KCNK10: variants seen among roughly 807,000 people sequenced by gnomAD.
KCNK10 encodes the protein potassium channel subfamily K member 10.
Under a neutral mutation model 47.7 loss-of-function variants are expected in KCNK10, and 25 were observed. That is an observed-to-expected ratio of 0.52 (90% CI 0.38 to 0.73). KCNK10 has a LOEUF of 0.73. Ranked by LOEUF, KCNK10 falls within the 30% of genes least tolerant of loss-of-function variation. The pLI is 0.00. For missense variants in KCNK10, 563 were observed against 714.5 expected (o/e 0.79, Z 2.42); for synonymous variants, 303 against 285.6 (o/e 1.06, Z -0.61).
chr14:88,276,843 T>G (rs59988981), intron 1 of KCNK10, among the ~76,000 whole-genome samples: 14,731 of 152,294 alleles, frequency 0.097, 1,802 homozygotes, highest in African/African-American at 0.29. Flanking sequence ...TCTGCTCAGC[T>G]ACAGCTGTCA....
chr14:88,319,460 G>C (rs1888498775), intron 1 of KCNK10, among the ~76,000 whole-genome samples: 2 of 152,096 alleles, frequency 1.3e-5, no homozygotes, highest in South Asian at 4.1e-4. Context: ...TCTTTTCCCT[G>C]CTAAACACAT....
At chr14:88,212,109 A>AAAATATATATATATATAT (rs1555360606) in intron 4 of KCNK10, among the ~76,000 whole-genome samples, 1 of 133,334 alleles carries the variant, frequency 7.5e-6, no homozygotes, top group Non-Finnish European at 1.6e-5. Flanking sequence ...TGATAGTGAG[A>AAAATATATATATATATAT]ATATATATAT....
intron 1 of KCNK10, among the ~76,000 whole-genome samples, chr14:88,317,096 C>A (rs1459034853): frequency 6.6e-6 from 1 of 152,118 alleles, no homozygotes; most frequent in Non-Finnish European, 1.5e-5. Flanking sequence ...AAGCCTGAAC[C>A]AAATCTTGGC....
At chr14:88,262,733 C>T (rs906289174) in intron 2 of KCNK10, among the ~76,000 whole-genome samples, 2 of 152,220 alleles carry the variant, frequency 1.3e-5, no homozygotes, top group Non-Finnish European at 2.9e-5. Context: ...TAACAGCTGT[C>T]TCAGGCCACT....
rs1217494546 is a variant in KCNK10, at chr14:88,185,000, T to C, written c.*535A>G. On this transcript the variant is annotated 3_prime_UTR_variant, in exon 7 of 7. Transcript: ENST00000319231. The stretch of plus-strand genomic sequence containing the variant: ...GCTCTCAGGTCCCCACAGACATTCA[T>C]TTGGAGCATAGAAAGACTAGGTATG... The C allele has an allele frequency of 6.5e-6, 1 of 154,570 alleles. No individual in the cohort carries two copies. The highest frequency in any genetic ancestry group is 2.4e-5 in the African/African-American group (1 of 41,460). 9.6% of individuals were successfully genotyped at this position (154,570 alleles called of 1,614,324 possible).
chr14:88,255,697 G>A (rs1270608086), intron 2 of KCNK10, among the ~76,000 whole-genome samples: 2 of 151,866 alleles, frequency 1.3e-5, no homozygotes, highest in East Asian at 3.9e-4. Context: ...TCCAGGGAGT[G>A]AGATAACCTG....
At chr14:88,196,718 G>A (rs944558218) in intron 4 of KCNK10, among the ~76,000 whole-genome samples, 2 of 152,190 alleles carry the variant, frequency 1.3e-5, no homozygotes, top group East Asian at 1.9e-4. Flanking sequence ...TCAGTTTACG[G>A]CTTGGTTTGG....
At chr14:88,272,143 C>T (rs1887420550) in intron 1 of KCNK10, among the ~76,000 whole-genome samples, 1 of 152,106 alleles carries the variant, frequency 6.6e-6, no homozygotes, top group Admixed American at 6.5e-5. Context: ...CTTCCTCCTC[C>T]CTGGAAAGGG....
At chr14:88,239,974 A>G (rs189310311) in intron 3 of KCNK10, among the ~76,000 whole-genome samples, 32 of 152,258 alleles carry the variant, frequency 2.1e-4, no homozygotes, top group African/African-American at 7.2e-4. Context: ...AAAGACACAC[A>G]TACAAAAAAT....
At chr14:88,326,600 T>C (rs1182702983), upstream of KCNK10, 2 of 652,878 alleles carry the variant, frequency 3.1e-6, no homozygotes, top group East Asian at 5.5e-5. Flanking sequence ...TGGCGCAAAG[T>C]CTCCCTGCAC....
chr14:88,281,013 C>T (rs532740677), intron 1 of KCNK10, among the ~76,000 whole-genome samples: 1 of 150,714 alleles, frequency 6.6e-6, no homozygotes, highest in African/African-American at 2.5e-5. Flanking sequence ...CTCAGTGCCT[C>T]TCATCGTTGC....
intron 2 of KCNK10, among the ~76,000 whole-genome samples, chr14:88,259,609 A>T (rs1887052501): frequency 6.6e-6 from 1 of 152,110 alleles, no homozygotes; most frequent in Non-Finnish European, 1.5e-5. Context: ...GGCGTGTGCC[A>T]CCACACCCAT....
chr14:88,294,302 T>G (rs762099041), intron 1 of KCNK10, among the ~76,000 whole-genome samples: 3 of 152,262 alleles, frequency 2.0e-5, no homozygotes, highest in Non-Finnish European at 4.4e-5. Flanking sequence ...GCTTTCGCTC[T>G]CCTGAAGGAT....
At chr14:88,312,510 G>C (rs572259717) in intron 1 of KCNK10, among the ~76,000 whole-genome samples, 1 of 152,266 alleles carries the variant, frequency 6.6e-6, no homozygotes, top group South Asian at 2.1e-4. Context: ...ACACACACCA[G>C]ACACCCCATT....
intron 3 of KCNK10, among the ~76,000 whole-genome samples, chr14:88,229,404 TG>T (rs1353333615): frequency 6.6e-6 from 1 of 152,082 alleles, no homozygotes; most frequent in Non-Finnish European, 1.5e-5. Context: ...CAAATCCTAG[TG>T]TCAGAGGTAC....
intron 1 of KCNK10, among the ~76,000 whole-genome samples, chr14:88,266,578 AGTG>A (rs971446748): frequency 1.2e-4 from 19 of 152,076 alleles, no homozygotes; most frequent in Non-Finnish European, 2.2e-4. Context: ...GTTGTTTTCC[AGTG>A]GTGGTGGTGG....
intron 1 of KCNK10, among the ~76,000 whole-genome samples, chr14:88,294,662 G>A (rs2139784343): frequency 6.6e-6 from 1 of 152,312 alleles, no homozygotes; most frequent in South Asian, 2.1e-4. Context: ...TCCTCATAGG[G>A]CTACATGGGC....
chr14:88,323,292 C>A, upstream of KCNK10: 8 of 985,542 alleles, frequency 8.1e-6, no homozygotes, highest in Non-Finnish European at 9.6e-6. Flanking sequence ...CAGCCTCGCT[C>A]GGCCGCGCTG....
chr14:88,249,323 T>A (rs1886729313), intron 2 of KCNK10, among the ~76,000 whole-genome samples: 1 of 152,174 alleles, frequency 6.6e-6, no homozygotes, highest in South Asian at 2.1e-4. Context: ...TGATAACCCA[T>A]GGACATTGGT....
Sources: gnomAD v4.1 joint callset for allele counts (sites outside exome capture counted in the v4.1 genomes callset) on GRCh38, gnomAD v4.1.1 for gene constraint, MANE v1.5 for transcripts, NCBI Gene and HGNC (gene_info 2026-07-23, HGNC 2026-07-21) for gene names.